LAMA1: variants seen among roughly 807,000 people sequenced by gnomAD.
LAMA1 encodes laminin subunit alpha 1.
In LAMA1, 219 loss-of-function variants were observed where a neutral mutation model predicts 348.7. The observed-to-expected ratio is 0.63, with a 90% confidence interval of 0.56 to 0.70. The LOEUF is 0.70. Ranked by LOEUF, LAMA1 falls within the 30% of genes least tolerant of loss-of-function variation. The pLI, the probability that LAMA1 is intolerant of heterozygous loss-of-function variation, is 0.00. For synonymous variants in LAMA1, 1,487 were observed against 1,491.0 expected, an observed-to-expected ratio of 1.00 and a Z score of 0.06; for missense variants, 3,744 against 3,888.0, an observed-to-expected ratio of 0.96 and a Z score of 0.99.
chr18:7,046,437 C>G, intron 5 of LAMA1, 70 bp from the exon 6 acceptor site: 1 of 843,686 alleles, frequency 1.2e-6, no homozygotes, highest in Non-Finnish European at 2.0e-6. Flanking sequence ...GTTGGCACAC[C>G]AACAAATATC....
chr18:7,000,541 A>G (rs2057803239), intron 30 of LAMA1, among the ~76,000 whole-genome samples: 1 of 152,250 alleles, frequency 6.6e-6, no homozygotes, highest in Non-Finnish European at 1.5e-5. Context: ...GTAGGCTGCC[A>G]TAAGCAAAAT....
rs2057729137 is a variant in LAMA1, at chr18:6,985,277, G to A, written c.5620C>T (p.His1874Tyr). ...GCTAGTCTCTGGAACTCAGCGGCATGGTCCTCAGCTCTGTAGACCAGGTCG... is the reference window on the plus strand; with the variant it reads ...GCTAGTCTCTGGAACTCAGCGGCATAGTCCTCAGCTCTGTAGACCAGGTCG... Reference protein sequence around the residue: ...AVDLVYRAEDHAAEFQRLADV... With the variant: ...AVDLVYRAEDYAAEFQRLADV... The change falls in exon 39 of 63, where the codon CAT becomes TAT. Residue 1874 changes from histidine to tyrosine, a missense_variant. Physicochemically the swap from His to Tyr is moderately conservative, Grantham distance 83 (BLOSUM62 2). Transcript: ENST00000389658. The A allele has an allele frequency of 6.2e-7, 1 of 1,614,174 alleles. No individual in the cohort carries two copies. The highest frequency in any genetic ancestry group is 8.5e-7 in the Non-Finnish European group (1 of 1,180,026).
chr18:7,039,224 CT>C (rs1270661412), intron 10 of LAMA1, among the ~76,000 whole-genome samples: 1 of 152,068 alleles, frequency 6.6e-6, no homozygotes, highest in African/African-American at 2.4e-5. Context: ...CATTTTTTTA[CT>C]GATCTTTCCA....
Position 6,950,860 on chromosome 18 carries a change from G to A in LAMA1, c.8319C>T (p.Leu2773=). ...CTTTGCCAAGGTCAAACATGAAGTGGAGGCGGCCCCCGTGCAGCTGGAGCA... is the reference window on the plus strand; with the variant it reads ...CTTTGCCAAGGTCAAACATGAAGTGAAGGCGGCCCCCGTGCAGCTGGAGCA... The part of the protein sequence containing the change: ...YAVLQLHGGR[L]HFMFDLGKGR... The change falls in exon 58 of 63, where the codon CTC becomes CTT. Residue 2773 remains leucine (L), a synonymous_variant. Coordinates refer to ENST00000389658, the MANE Select transcript of LAMA1 (RefSeq NM_005559.4). 6.2e-7 allele frequency: 1 copy of A among 1,614,176 alleles called. No homozygotes were observed. The highest frequency in any genetic ancestry group is 8.5e-7 in the Non-Finnish European group (1 of 1,180,032).
In LAMA1 at chr18:7,011,322, G is replaced by T. The variant is rs762725918; in HGVS notation, c.3665C>A (p.Pro1222Gln). The T allele has an allele frequency of 1.9e-6, 3 of 1,608,536 alleles. No individual in the cohort carries two copies. The highest frequency in any genetic ancestry group is 1.7e-6 in the Non-Finnish European group (2 of 1,178,354). Reference protein sequence around the residue: ...IRAEPFYWRLPQQFQGDQLMA... With the variant: ...IRAEPFYWRLQQQFQGDQLMA... The stretch of plus-strand genomic sequence containing the variant: ...CACCTGGTCTCCTTGGAACTGCTGC[G>T]GCAGCCGCCAGTAAAACGGCTCTGC... The change falls in exon 25 of 63, where the codon CCG (proline) becomes CAG (glutamine). Residue 1222 changes from proline to glutamine, a missense_variant. Pro to Gln is a moderately conservative substitution (Grantham distance 76, BLOSUM62 -1). This residue lies in a region of LAMA1 where 1,529 missense variants were observed against 1,689.4 expected (regional missense o/e 0.91). Coordinates refer to ENST00000389658, the MANE Select transcript of LAMA1 (RefSeq NM_005559.4).
chr18:6,986,359 G>T lies in LAMA1; in HGVS notation c.5169-12C>A. ...AATCTTCAGCAGCCCTGATAAATAT[G>T]AATGGTTCACATAGTAAGTAAATGA... On this transcript the variant is annotated splice_polypyrimidine_tract_variant and intron_variant, in intron 36 of 62. Coordinates refer to ENST00000389658, the MANE Select transcript of LAMA1 (RefSeq NM_005559.4). 1 of 1,611,570 alleles carries T rather than the reference G, an allele frequency of 6.2e-7. No homozygotes were observed. The highest frequency in any genetic ancestry group is 8.5e-7 in the Non-Finnish European group (1 of 1,177,926).
intron 1 of LAMA1, among the ~76,000 whole-genome samples, chr18:7,116,804 TTTC>T (rs1159496059): frequency 1.3e-5 from 2 of 150,088 alleles, no homozygotes; most frequent in Non-Finnish European, 2.9e-5. Context: ...TTTCTCTCTC[TTTC>T]TTTTCTCTTT....
At chr18:6,980,976 G>A (rs888189879) in intron 41 of LAMA1, among the ~76,000 whole-genome samples, 5 of 152,004 alleles carry the variant, frequency 3.3e-5, no homozygotes, top group African/African-American at 4.8e-5. Flanking sequence ...GGTGGTGGGC[G>A]CCTGTAGTCC....
In LAMA1 at chr18:6,979,685, G is replaced by C. The variant is rs560415396; in HGVS notation, c.6007+836C>G. On this transcript the variant is annotated intron_variant, in intron 42 of 62. Coordinates refer to ENST00000389658, the MANE Select transcript of LAMA1 (RefSeq NM_005559.4). ...GAGGCCAAGGCGGGCGGATCACGAG[G>C]TCAGGAGATCGAGACCATCCTGGCT... Among the ~76,000 whole-genome samples, 3 of 152,074 alleles carry C rather than the reference G, an allele frequency of 2.0e-5. No homozygotes were observed. The East Asian group carries it at 5.8e-4, about 29-fold the overall frequency.
chr18:7,099,295 T>C (rs952254480), intron 1 of LAMA1, among the ~76,000 whole-genome samples: 1 of 150,340 alleles, frequency 6.7e-6, no homozygotes, highest in Admixed American at 6.6e-5. Flanking sequence ...TCATCACCAC[T>C]CCCTAATCTC....
At chr18:6,956,560 C>T in intron 56 of LAMA1, 76 bp downstream of exon 56, 2 of 1,603,024 alleles carry the variant, frequency 1.2e-6, no homozygotes, top group Non-Finnish European at 8.5e-7. Context: ...ACAGCAAGGC[C>T]CCATTTTAAC....
At chr18:7,112,578 T>C (rs1037814361) in intron 1 of LAMA1, among the ~76,000 whole-genome samples, 2 of 151,472 alleles carry the variant, frequency 1.3e-5, no homozygotes, top group African/African-American at 4.9e-5. Flanking sequence ...ATACCATAAA[T>C]GTGGATTATC....
At chr18:6,959,114 G>A (rs1260249777) in intron 54 of LAMA1, among the ~76,000 whole-genome samples, 1 of 152,186 alleles carries the variant, frequency 6.6e-6, no homozygotes, top group Non-Finnish European at 1.5e-5. Flanking sequence ...CTGGGCCCCA[G>A]TAAAGGGCAG....
chr18:6,978,478 G>T, intron 42 of LAMA1, 100 bp from the exon 43 acceptor site: 1 of 1,136,128 alleles, frequency 8.8e-7, no homozygotes, highest in Non-Finnish European at 1.3e-6. Flanking sequence ...ATATATTATT[G>T]TCATATTACT....
chr18:6,948,680 T>A, intron 59 of LAMA1, 124 bp from the exon 60 acceptor site: 1 of 1,089,886 alleles, frequency 9.2e-7, no homozygotes, highest in Non-Finnish European at 1.3e-6. Flanking sequence ...CTTTTTGTTT[T>A]AAAACTTTAA....
intron 5 of LAMA1, among the ~76,000 whole-genome samples, chr18:7,048,118 A>G (rs1259926289): frequency 3.9e-5 from 6 of 152,234 alleles, no homozygotes; most frequent in Non-Finnish European, 7.3e-5. Flanking sequence ...CAATATATAC[A>G]TATCTGATGA....
intron 1 of LAMA1, among the ~76,000 whole-genome samples, chr18:7,093,667 T>C (rs966106038): frequency 2.0e-5 from 3 of 151,858 alleles, no homozygotes; most frequent in South Asian, 4.1e-4. Context: ...AATAATACCA[T>C]AACATTAAGG....
At chr18:7,027,886 T>C (rs1013092973) in intron 16 of LAMA1, among the ~76,000 whole-genome samples, 2 of 152,090 alleles carry the variant, frequency 1.3e-5, no homozygotes, top group Non-Finnish European at 2.9e-5. Context: ...GAGGTTGCAG[T>C]GAGCCAAGAT....
intron 16 of LAMA1, among the ~76,000 whole-genome samples, chr18:7,030,009 A>G (rs996494475): frequency 5.3e-5 from 8 of 151,690 alleles, no homozygotes; most frequent in African/African-American, 1.9e-4. Flanking sequence ...TAGATTTAAC[A>G]GATATATGAT....
Sources: allele counts gnomAD v4.1 joint callset (sites outside exome capture counted in the v4.1 genomes callset), GRCh38; gene constraint gnomAD v4.1.1; regional missense constraint gnomAD v4.1.1; transcripts MANE v1.5; gene names NCBI Gene and HGNC (gene_info 2026-07-23, HGNC 2026-07-21).